CAMTA1: variants seen among roughly 807,000 people sequenced by gnomAD.
CAMTA1 encodes the protein calmodulin-binding transcription activator 1.
Under a neutral mutation model 170.9 loss-of-function variants are expected in CAMTA1, and 27 were observed. The observed-to-expected ratio is 0.16, with a 90% CI of 0.12 to 0.22. The LOEUF (loss-of-function observed/expected upper bound fraction) is 0.22. CAMTA1 is among the 10% of genes least tolerant of loss of function. The pLI, the probability that CAMTA1 is intolerant of heterozygous loss-of-function variation, is 1.00. For synonymous variants in CAMTA1, 833 were observed against 891.5 expected, an observed-to-expected ratio of 0.93 and a Z score of 1.17; for missense variants, 1,619 against 2,217.2, an observed-to-expected ratio of 0.73 and a Z score of 5.42.
intron 3 of CAMTA1, among the ~76,000 whole-genome samples, chr1:6,832,079 AT>A (rs201078711): frequency 2.0e-5 from 3 of 150,136 alleles, no homozygotes; most frequent in African/African-American, 4.9e-5. Context: ...AAGCCACCTT[AT>A]TTTTTTTTAT....
At chr1:7,651,414 T>C (rs1183108804) in intron 7 of CAMTA1, among the ~76,000 whole-genome samples, 2 of 152,186 alleles carry the variant, frequency 1.3e-5, no homozygotes, top group African/African-American at 4.8e-5. Flanking sequence ...TGACCAAAGC[T>C]CCAGGTGGCC....
At chr1:6,964,932 C>T (rs909112343) in intron 3 of CAMTA1, among the ~76,000 whole-genome samples, 7 of 152,096 alleles carry the variant, frequency 4.6e-5, no homozygotes, top group African/African-American at 1.7e-4. Flanking sequence ...AAGGAGAGGC[C>T]GGGTCGGCTG....
chr1:7,241,751 A>G (rs936513489), intron 4 of CAMTA1, among the ~76,000 whole-genome samples: 3 of 152,230 alleles, frequency 2.0e-5, no homozygotes, highest in Non-Finnish European at 4.4e-5. Flanking sequence ...TTGGATATTC[A>G]GTGACAAAAA....
At chr1:7,369,087 C>G (rs1377833183) in intron 5 of CAMTA1, 2 of 152,362 alleles carry the variant, frequency 1.3e-5, no homozygotes, top group Non-Finnish European at 2.9e-5. Context: ...CCTGCCCCTC[C>G]TCCTCCCCCA....
chr1:7,148,035 C>T (rs988848786), intron 4 of CAMTA1, among the ~76,000 whole-genome samples: 1 of 151,540 alleles, frequency 6.6e-6, no homozygotes, highest in Non-Finnish European at 1.5e-5. Context: ...ATACACCACA[C>T]ACTCATACAC....
At chr1:7,403,246 C>T (rs184842555) in intron 5 of CAMTA1, among the ~76,000 whole-genome samples, 63 of 152,094 alleles carry the variant, frequency 4.1e-4, no homozygotes, top group African/African-American at 1.4e-3. Context: ...CCCAGCTACT[C>T]GAGAGGCTGA....
intron 5 of CAMTA1, among the ~76,000 whole-genome samples, chr1:7,310,616 C>CTT (rs1676348473): frequency 2.8e-4 from 1 of 3,592 alleles, no homozygotes; most frequent in Admixed American, 3.4e-3. Context: ...TTCTTTCTTT[C>CTT]TTTCTTTCTT....
At chr1:7,751,812 G>A (rs539718737) in intron 20 of CAMTA1, among the ~76,000 whole-genome samples, 1 of 151,952 alleles carries the variant, frequency 6.6e-6, no homozygotes, top group South Asian at 2.1e-4. Context: ...TTTTCAATGT[G>A]AAAATAAAAT....
intron 11 of CAMTA1, among the ~76,000 whole-genome samples, chr1:7,704,520 C>T (rs2096483971): frequency 6.8e-6 from 1 of 147,706 alleles, no homozygotes; most frequent in Non-Finnish European, 1.5e-5. Context: ...TCCGGCCGGG[C>T]CCCCGCCGTC....
At chr1:6,859,748 G>A (rs192333848) in intron 3 of CAMTA1, among the ~76,000 whole-genome samples, 2 of 152,248 alleles carry the variant, frequency 1.3e-5, no homozygotes, top group East Asian at 1.9e-4. Flanking sequence ...GTGATCGTGC[G>A]AGTGCACCCC....
chr1:7,094,482 T>C (rs993492066), intron 4 of CAMTA1, among the ~76,000 whole-genome samples: 7 of 152,196 alleles, frequency 4.6e-5, no homozygotes, highest in African/African-American at 1.7e-4. Context: ...CCTAATAAAA[T>C]GATACATTGT....
chr1:7,704,403 C>A (rs1198684302), intron 11 of CAMTA1, among the ~76,000 whole-genome samples: 1 of 146,256 alleles, frequency 6.8e-6, no homozygotes, highest in East Asian at 2.0e-4. Flanking sequence ...CCGCCCCATT[C>A]GCGGGCCGCG....
At chr1:7,668,493 A>G (rs1054326818) in intron 9 of CAMTA1, among the ~76,000 whole-genome samples, 24 of 151,712 alleles carry the variant, frequency 1.6e-4, no homozygotes, top group African/African-American at 4.6e-4. Flanking sequence ...TGCATCAGAC[A>G]TGGGCCCTTT....
Position 7,641,269 on chromosome 1 carries a change from G to A in CAMTA1, c.664+716G>A, listed in dbSNP as rs1168995404. Among the ~76,000 whole-genome samples the A allele has an allele frequency of 6.6e-6, 1 of 152,210 alleles. No individual in the cohort carries two copies. The highest frequency in any genetic ancestry group is 1.9e-4 in the East Asian group (1 of 5,190). ...GTCTGGGGCTTTCCTGACCCAAGAA[G>A]AGCATGGGGGCTGTTTAGTGGTGGA... On this transcript the variant is annotated intron_variant, in intron 7 of 22. Transcript: ENST00000303635. The surrounding 1 kb of genome is among the most constrained non-coding windows in gnomAD (Gnocchi z 4.5).
intron 5 of CAMTA1, among the ~76,000 whole-genome samples, chr1:7,327,096 GA>G (rs2082728768): frequency 6.6e-6 from 1 of 152,104 alleles, no homozygotes; most frequent in Non-Finnish European, 1.5e-5. Context: ...AGGCGGGGGG[GA>G]AAGTCTGTTG....
chr1:7,497,483 G>T (rs1216824174), intron 6 of CAMTA1, among the ~76,000 whole-genome samples: 6 of 152,232 alleles, frequency 3.9e-5, no homozygotes, highest in Non-Finnish European at 8.8e-5. Flanking sequence ...GACATCCCCA[G>T]CCCTGCATGC....
At chr1:7,523,994 A>C (rs996539608) in intron 6 of CAMTA1, among the ~76,000 whole-genome samples, 1 of 152,060 alleles carries the variant, frequency 6.6e-6, no homozygotes, top group Non-Finnish European at 1.5e-5. Flanking sequence ...CAAGGTCAGG[A>C]GTTTGAGACC....
intron 3 of CAMTA1, among the ~76,000 whole-genome samples, chr1:7,086,105 A>G (rs1360379257): frequency 6.6e-6 from 1 of 152,142 alleles, no homozygotes; most frequent in African/African-American, 2.4e-5. Context: ...CATAGACGCC[A>G]TACCTTGGCG....
intron 3 of CAMTA1, among the ~76,000 whole-genome samples, chr1:7,028,429 G>T (rs1452418098): frequency 6.6e-6 from 1 of 152,146 alleles, no homozygotes; most frequent in East Asian, 1.9e-4. Context: ...TCAGCCTCTT[G>T]GTTTCTCCAA....
Sources: gnomAD v4.1 joint callset for allele counts (sites outside exome capture counted in the v4.1 genomes callset) on GRCh38, gnomAD v4.1.1 for gene constraint, Gnocchi (gnomAD v3.1) non-coding constraint, MANE v1.5 for transcripts, NCBI Gene and HGNC (gene_info 2026-07-23, HGNC 2026-07-21) for gene names.